The following CCDC146 variants were observed in gnomAD, a reference collection of about 807,000 sequenced individuals.
CCDC146 encodes the protein coiled-coil domain-containing protein 146.
A neutral mutation model predicts 119.3 loss-of-function variants in CCDC146; 92 were observed. The observed-to-expected ratio is 0.77, with a 90% confidence interval of 0.65 to 0.92. The LOEUF (loss-of-function observed/expected upper bound fraction) is 0.92. CCDC146 is among the 40% of genes least tolerant of loss of function. The probability of loss-of-function intolerance (pLI) is 0.00; values close to 1 mark genes in which losing one functional copy is unlikely to be tolerated. For missense variants in CCDC146, 1,000 were observed against 1,103.0 expected (o/e 0.91, Z 1.32); for synonymous variants, 372 against 371.8 (o/e 1.00, Z -0.01).
At chr7:77,146,063 G>T (rs11978971) in intron 1 of CCDC146, among the ~76,000 whole-genome samples, 1 of 151,042 alleles carries the variant, frequency 6.6e-6, no homozygotes, top group Admixed American at 6.6e-5. Flanking sequence ...AGGTCTCTTT[G>T]TAGGTCACTC....
At chr7:77,191,736 G>A (rs550355514) in intron 2 of CCDC146, among the ~76,000 whole-genome samples, 9 of 152,016 alleles carry the variant, frequency 5.9e-5, no homozygotes, top group South Asian at 2.1e-4. Context: ...GTGAAACCCA[G>A]TCTCTACTAA....
chr7:77,253,440 G>A (rs1482041658), intron 4 of CCDC146, among the ~76,000 whole-genome samples: 1 of 152,174 alleles, frequency 6.6e-6, no homozygotes, highest in African/African-American at 2.4e-5. Flanking sequence ...CTGCAATCTG[G>A]ATGTAGAAGA....
intron 11 of CCDC146, among the ~76,000 whole-genome samples, chr7:77,278,402 C>G (rs1201397367): frequency 6.6e-6 from 1 of 151,628 alleles, no homozygotes; most frequent in African/African-American, 2.4e-5. Flanking sequence ...TACCCTTCAC[C>G]CTGATCTGTA....
intron 2 of CCDC146, among the ~76,000 whole-genome samples, chr7:77,177,698 C>T (rs1216628086): frequency 6.6e-6 from 1 of 152,208 alleles, no homozygotes; most frequent in Non-Finnish European, 1.5e-5. Flanking sequence ...TATCACCCCT[C>T]ACTAACAGCT....
At chr7:77,270,518 T>C (rs1019975040) in intron 9 of CCDC146, among the ~76,000 whole-genome samples, 2 of 152,198 alleles carry the variant, frequency 1.3e-5, no homozygotes, top group African/African-American at 4.8e-5. Flanking sequence ...AGAACTTTGA[T>C]ACTTGATAGT....
intron 1 of CCDC146, among the ~76,000 whole-genome samples, chr7:77,145,331 G>T (rs1168950610): frequency 6.6e-6 from 1 of 151,572 alleles, no homozygotes; most frequent in African/African-American, 2.4e-5. Context: ...AGTCTTGCTA[G>T]TGGTCTATCA....
At position 77,272,428 on chromosome 7, in the gene CCDC146, A is replaced by G. The variant is rs372549601; in HGVS notation, c.1174-1266A>G. 2.9e-4 allele frequency among the ~76,000 whole-genome samples: 44 copies of G among 152,340 alleles called. 1 individual carries two copies. Among genetic ancestry groups the G allele is most frequent in the South Asian group, 1.7e-3 (8 of 4,832 alleles). ...AAAGACACACTTTAGTGACTTTAAC[A>G]TAGCAGCATGATCCTCAAAAAGATC... On this transcript the variant is annotated intron_variant, in intron 9 of 18. Coordinates refer to ENST00000285871, the MANE Select transcript of CCDC146 (RefSeq NM_020879.3).
chr7:77,187,642 G>GAGCATTT (rs1562826556), intron 2 of CCDC146, among the ~76,000 whole-genome samples: 2 of 152,124 alleles, frequency 1.3e-5, no homozygotes, highest in East Asian at 3.9e-4. Flanking sequence ...GTCGAAGAGA[G>GAGCATTT]AGCATTTGAT....
At chr7:77,281,744 T>A (rs1445582087) in intron 14 of CCDC146, among the ~76,000 whole-genome samples, 2 of 152,086 alleles carry the variant, frequency 1.3e-5, no homozygotes, top group Non-Finnish European at 2.9e-5. Flanking sequence ...TAGAAGCAAT[T>A]AAAGGAGGAA....
intron 2 of CCDC146, among the ~76,000 whole-genome samples, chr7:77,179,177 C>T (rs1791543781): frequency 6.6e-6 from 1 of 151,978 alleles, no homozygotes; most frequent in South Asian, 2.1e-4. Flanking sequence ...AGATGCAAGC[C>T]AGACTGGGAA....
At chr7:77,260,411 T>C (rs1793270934) in intron 8 of CCDC146, among the ~76,000 whole-genome samples, 175 bp downstream of exon 8, 1 of 152,244 alleles carries the variant, frequency 6.6e-6, no homozygotes. Flanking sequence ...TTTTTGATAC[T>C]TTACTCAAAT....
chr7:77,151,820 C>T (rs1235389515), intron 1 of CCDC146, among the ~76,000 whole-genome samples: 1 of 152,126 alleles, frequency 6.6e-6, no homozygotes, highest in Non-Finnish European at 1.5e-5. Flanking sequence ...ATGGTGGCAT[C>T]TTCTGAGAGT....
chr7:77,222,972 C>T (rs564352716), intron 2 of CCDC146, among the ~76,000 whole-genome samples: 1 of 152,360 alleles, frequency 6.6e-6, no homozygotes, highest in South Asian at 2.1e-4. Context: ...TGTTTCCTGA[C>T]TCCGACTGTG....
At chr7:77,237,688 A>G (rs1024064901) in intron 3 of CCDC146, among the ~76,000 whole-genome samples, 1 of 152,140 alleles carries the variant, frequency 6.6e-6, no homozygotes, top group African/African-American at 2.4e-5. Flanking sequence ...CCATATCACA[A>G]GCTACTTACA....
At chr7:77,209,993 T>G (rs1216919217) in intron 2 of CCDC146, among the ~76,000 whole-genome samples, 2 of 152,234 alleles carry the variant, frequency 1.3e-5, no homozygotes, top group Non-Finnish European at 2.9e-5. Flanking sequence ...GGGGCTGCCG[T>G]GAAGATCTGT....
intron 1 of CCDC146, among the ~76,000 whole-genome samples, chr7:77,151,824 T>C (rs1347096598): frequency 6.6e-6 from 1 of 152,198 alleles, no homozygotes; most frequent in Non-Finnish European, 1.5e-5. Flanking sequence ...TGGCATCTTC[T>C]GAGAGTTCTG....
intron 1 of CCDC146, among the ~76,000 whole-genome samples, chr7:77,141,838 C>T (rs551937869): frequency 7.2e-5 from 11 of 152,166 alleles, no homozygotes; most frequent in African/African-American, 2.2e-4. Flanking sequence ...AGATAGATTG[C>T]GGAAATTTTC....
chr7:77,146,379 CTA>C (rs149933944), intron 1 of CCDC146, among the ~76,000 whole-genome samples: 5,653 of 152,196 alleles, frequency 0.037, 341 homozygotes, highest in African/African-American at 0.13. Context: ...ATTTGCCAGT[CTA>C]TGTCTTTTAA....
At chr7:77,204,988 A>G (rs1044214709) in intron 2 of CCDC146, among the ~76,000 whole-genome samples, 3 of 152,062 alleles carry the variant, frequency 2.0e-5, no homozygotes, top group Non-Finnish European at 1.5e-5. Context: ...GCATGCTGGC[A>G]TGCGCCTACA....
Sources: allele counts gnomAD v4.1 joint callset (sites outside exome capture counted in the v4.1 genomes callset), GRCh38; gene constraint gnomAD v4.1.1; transcripts MANE v1.5; gene names NCBI Gene and HGNC (gene_info 2026-07-23, HGNC 2026-07-21).